Variants in OXSR1 observed in about 807,000 individuals in gnomAD.
The protein encoded by OXSR1 is serine/threonine-protein kinase OSR1.
A neutral mutation model predicts 79.8 loss-of-function variants in OXSR1; 24 were observed. The ratio of observed to expected loss-of-function variants is 0.30; its 90% CI spans 0.22 to 0.42. The LOEUF (loss-of-function observed/expected upper bound fraction) is 0.42, where lower values mean the gene tolerates loss of function less well. Among genes scored for constraint, OXSR1 ranks in the 10% least tolerant of loss-of-function variants. The pLI, the probability that OXSR1 is intolerant of heterozygous loss-of-function variation, is 1.00. For synonymous variants in OXSR1, 226 were observed against 209.2 expected, an observed-to-expected ratio of 1.08 and a Z score of -0.69; for missense variants, 430 against 618.4, an observed-to-expected ratio of 0.70 and a Z score of 3.23.
At chr3:38,210,878 C>A (rs1702372771) in intron 4 of OXSR1, among the ~76,000 whole-genome samples, 1 of 152,158 alleles carries the variant, frequency 6.6e-6, no homozygotes, top group Non-Finnish European at 1.5e-5. Context: ...TCTTAAAATT[C>A]TTTTACCTTC....
intron 10 of OXSR1, among the ~76,000 whole-genome samples, chr3:38,233,822 G>A (rs1217674495): frequency 2.0e-5 from 3 of 152,104 alleles, no homozygotes; most frequent in Admixed American, 2.0e-4. Context: ...TGAGGCAGGA[G>A]GATCGCTTGA....
At chr3:38,245,988 A>T in intron 12 of OXSR1, 87 bp from the exon 13 acceptor site, 1 of 1,188,822 alleles carries the variant, frequency 8.4e-7, no homozygotes, top group South Asian at 1.3e-5. Flanking sequence ...CTTTGAAAAT[A>T]TCACCCTGAA....
intron 11 of OXSR1, among the ~76,000 whole-genome samples, chr3:38,240,162 C>T (rs1046832654): frequency 1.3e-5 from 2 of 152,104 alleles, no homozygotes; most frequent in African/African-American, 4.8e-5. Flanking sequence ...TAGTATTTGA[C>T]TATGTGTTCT....
Position 38,224,469 on chromosome 3 carries a change from T to C in OXSR1, c.703-102T>C, listed in dbSNP as rs911226973. ...TATGAACTTACAGAAAATAAAATGT[T>C]TGTATGTTGGTCGGGGGGTGCCTGT... is the stretch of plus-strand genomic sequence containing the variant. On this transcript the variant is annotated intron_variant, in intron 7 of 17. Coordinates refer to ENST00000311806, the MANE Select transcript of OXSR1 (RefSeq NM_005109.3). The C allele has an allele frequency of 1.9e-5, 15 of 804,672 alleles. No homozygotes were observed. The African/African-American group carries it at 2.5e-4, about 14-fold the overall frequency. 49.8% of individuals were successfully genotyped at this position (804,672 alleles called of 1,614,324 possible).
intron 3 of OXSR1, among the ~76,000 whole-genome samples, chr3:38,195,968 G>A (rs1331691689): frequency 3.9e-5 from 6 of 151,968 alleles, no homozygotes; most frequent in East Asian, 1.9e-4. Flanking sequence ...GGATTTTAAC[G>A]GACAGCTTTC....
At chr3:38,178,618 ATATTTTTTTTTTT>A (rs1251969912) in intron 1 of OXSR1, among the ~76,000 whole-genome samples, 52 of 86,728 alleles carry the variant, frequency 6.0e-4, no homozygotes, top group African/African-American at 2.6e-3. Flanking sequence ...ATATATATAT[ATATTTTTTTTTTT>A]TTTTTTTTTT....
At chr3:38,219,219 A>G in intron 5 of OXSR1, among the ~76,000 whole-genome samples, 1 of 152,168 alleles carries the variant, frequency 6.6e-6, no homozygotes, top group Admixed American at 6.5e-5. Flanking sequence ...TTCAGGGTTC[A>G]CTTGGAAACA....
At chr3:38,167,481 C>T (rs1701490384) in intron 1 of OXSR1, among the ~76,000 whole-genome samples, 1 of 152,194 alleles carries the variant, frequency 6.6e-6, no homozygotes, top group Admixed American at 6.5e-5. Context: ...TAACAAAGAC[C>T]AACTGAAGAC....
At chr3:38,234,080 C>T (rs1214578640) in intron 10 of OXSR1, among the ~76,000 whole-genome samples, 2 of 152,124 alleles carry the variant, frequency 1.3e-5, no homozygotes, top group Non-Finnish European at 2.9e-5. Flanking sequence ...CTTTTACTCT[C>T]GTCCTACAAA....
At chr3:38,164,207 C>T (rs1434166014), upstream of OXSR1, among the ~76,000 whole-genome samples, 2 of 152,140 alleles carry the variant, frequency 1.3e-5, no homozygotes, top group Non-Finnish European at 2.9e-5. Context: ...GTCTGTTGCC[C>T]AGACTGGAGT....
chr3:38,207,780 G>A (rs1479232652), intron 4 of OXSR1, among the ~76,000 whole-genome samples: 1 of 152,112 alleles, frequency 6.6e-6, no homozygotes, highest in Non-Finnish European at 1.5e-5. Flanking sequence ...GTTATATCTA[G>A]CCTGCATGGA....
intron 13 of OXSR1, 114 bp from the exon 14 acceptor site, chr3:38,247,554 A>C (rs1469109551): frequency 1.4e-6 from 1 of 708,288 alleles, no homozygotes; most frequent in Non-Finnish European, 2.5e-6. Flanking sequence ...GTATGACCTC[A>C]GCTGGAGATG....
At chr3:38,178,616 A>ATG (rs1559500960) in intron 1 of OXSR1, among the ~76,000 whole-genome samples, 33 of 88,016 alleles carry the variant, frequency 3.7e-4, no homozygotes, top group Admixed American at 5.6e-4. Context: ...ATATATATAT[A>ATG]TATATTTTTT....
Position 38,216,167 on chromosome 3 carries a change from T to G in OXSR1, c.490+16T>G. Reference sequence around the variant, plus strand: ...CAGATTGCAGGTAATGATTAGTATTTCTTTTTATTTGATTTAATGGTCAGT... The same window carrying G: ...CAGATTGCAGGTAATGATTAGTATTGCTTTTTATTTGATTTAATGGTCAGT... On this transcript the variant is annotated intron_variant, in intron 5 of 17. Coordinates refer to ENST00000311806, the MANE Select transcript of OXSR1 (RefSeq NM_005109.3). 1 of 1,498,064 alleles carries G rather than the reference T, an allele frequency of 6.7e-7. No individual in the cohort carries two copies. The highest frequency in any genetic ancestry group is 9.2e-7 in the Non-Finnish European group (1 of 1,085,330). 92.8% of individuals were successfully genotyped at this position (1,498,064 alleles called of 1,614,324 possible).
intron 16 of OXSR1, 120 bp from the exon 17 acceptor site, chr3:38,252,208 C>A: frequency 1.3e-6 from 1 of 742,132 alleles, no homozygotes; most frequent in Admixed American, 1.9e-5. Flanking sequence ...TTTGATCTGT[C>A]TGCTTCCATT....
In OXSR1 at chr3:38,252,863, T is replaced by A. The variant is rs778154420; in HGVS notation, c.1556T>A (p.Ile519Lys). 1 of 1,613,796 alleles carries A rather than the reference T, an allele frequency of 6.2e-7. No homozygotes were observed. The highest frequency in any genetic ancestry group is 2.2e-5 in the East Asian group (1 of 44,876). Residue 519 changes from isoleucine to lysine, a missense_variant, in exon 18 of 18, where the codon ATA becomes AAA. Ile to Lys is a moderately radical substitution (Grantham distance 102). Coordinates refer to ENST00000311806, the MANE Select transcript of OXSR1 (RefSeq NM_005109.3). ...GSDIPDDGKL[I>K]GFAQLSIS ...GATATTCCTGATGATGGTAAACTGA[T>A]AGGATTTGCCCAGCTCAGCATCAGC... is the stretch of plus-strand genomic sequence containing the variant.
intron 3 of OXSR1, among the ~76,000 whole-genome samples, chr3:38,194,572 T>C (rs1374376763): frequency 1.3e-5 from 2 of 151,950 alleles, no homozygotes; most frequent in African/African-American, 4.8e-5. Flanking sequence ...GAATAATAAT[T>C]AGCCAGGTGA....
chr3:38,210,661 C>G (rs1470195849), intron 4 of OXSR1, among the ~76,000 whole-genome samples: 1 of 152,156 alleles, frequency 6.6e-6, no homozygotes, highest in African/African-American at 2.4e-5. Flanking sequence ...TACCCCAGTA[C>G]TGACTCCAGC....
At chr3:38,182,308 G>C (rs1490588852) in intron 1 of OXSR1, among the ~76,000 whole-genome samples, 1 of 152,162 alleles carries the variant, frequency 6.6e-6, no homozygotes. Flanking sequence ...CACCTGGCTG[G>C]CGCTGTGGAG....
Sources: allele counts gnomAD v4.1 joint callset (sites outside exome capture counted in the v4.1 genomes callset), GRCh38; gene constraint gnomAD v4.1.1; transcripts MANE v1.5; gene names NCBI Gene and HGNC (gene_info 2026-07-23, HGNC 2026-07-21).